The following CACNA1H variants were observed in gnomAD, a reference collection of about 807,000 sequenced individuals.
CACNA1H encodes the protein voltage-dependent T-type calcium channel subunit alpha-1H.
A neutral mutation model predicts 192.5 loss-of-function variants in CACNA1H; 149 were observed. The ratio of observed to expected loss-of-function variants is 0.77; its 90% CI spans 0.68 to 0.89. The LOEUF is 0.89. CACNA1H is among the 40% of genes least tolerant of loss of function. CACNA1H has a pLI of 0.00. For missense variants in CACNA1H, 4,257 were observed against 3,423.5 expected (o/e 1.24, Z -6.08); for synonymous variants, 2,202 against 1,475.2 (o/e 1.49, Z -11.29).
chr16:1,193,088 C>T (rs1966759357), intron 2 of CACNA1H, among the ~76,000 whole-genome samples: 1 of 152,152 alleles, frequency 6.6e-6, no homozygotes, highest in South Asian at 2.1e-4. Context: ...GGGCTCAGGT[C>T]AGGGAGCACC....
At chr16:1,164,680 G>A (rs968537281) in intron 2 of CACNA1H, among the ~76,000 whole-genome samples, 5 of 152,216 alleles carry the variant, frequency 3.3e-5, no homozygotes, top group Admixed American at 2.6e-4. Context: ...CCTTTCCGTC[G>A]GAGACCCTTC....
intron 2 of CACNA1H, among the ~76,000 whole-genome samples, chr16:1,189,957 A>G (rs574381280): frequency 2.9e-4 from 44 of 152,354 alleles, no homozygotes; most frequent in African/African-American, 7.7e-4. Flanking sequence ...GAGAAGGACA[A>G]TGTGGTCCCC....
At chr16:1,156,403 A>T (rs1459835026) in intron 2 of CACNA1H, among the ~76,000 whole-genome samples, 1 of 152,166 alleles carries the variant, frequency 6.6e-6, no homozygotes, top group Admixed American at 6.5e-5. Context: ...GTCAGAGAGA[A>T]CCTAAAATAA....
intron 2 of CACNA1H, among the ~76,000 whole-genome samples, chr16:1,173,582 A>G (rs1372990708): frequency 2.0e-5 from 3 of 152,270 alleles, no homozygotes; most frequent in African/African-American, 7.2e-5. Context: ...AAAAGGTTAT[A>G]TTTCTCAAAA....
At chr16:1,164,086 T>G (rs562957026) in intron 2 of CACNA1H, among the ~76,000 whole-genome samples, 2 of 152,182 alleles carry the variant, frequency 1.3e-5, no homozygotes, top group African/African-American at 4.8e-5. Flanking sequence ...CCGGCACAGG[T>G]GTGGGGGCAC....
rs548217620 is a variant in CACNA1H at position 1,210,289 on chromosome 16, G to T, written c.3846-81G>T. On this transcript the variant is annotated intron_variant, in intron 18 of 34. Coordinates refer to ENST00000348261, the MANE Select transcript of CACNA1H (RefSeq NM_021098.3). ...GGACCGGGGCTGAAGTGGAGGCGTG[G>T]CCAGGGCTGTCCTGCAACCCCCATC... is the stretch of plus-strand genomic sequence containing the variant. The T allele has an allele frequency of 2.6e-4, 341 of 1,335,426 alleles. No homozygotes were observed. In the African/African-American group the frequency reaches 4.4e-3, roughly 17 times the overall value. 82.7% of individuals were successfully genotyped at this position (1,335,426 alleles called of 1,614,324 possible).
intron 2 of CACNA1H, among the ~76,000 whole-genome samples, chr16:1,179,213 C>T (rs978466488): frequency 2.0e-5 from 3 of 152,190 alleles, no homozygotes; most frequent in African/African-American, 4.8e-5. Context: ...ACGCGCCTCC[C>T]GGGACTGGTG....
chr16:1,167,345 G>A lies in CACNA1H; in HGVS notation c.299+13309G>A, dbSNP rs546432211. 1.6e-4 allele frequency among the ~76,000 whole-genome samples: 25 copies of A among 152,172 alleles called. No homozygotes were observed. Among genetic ancestry groups the A allele is most frequent in the African/African-American group, 4.8e-4 (20 of 41,438 alleles). On this transcript the variant is annotated intron_variant, in intron 2 of 34. Coordinates refer to ENST00000348261, the MANE Select transcript of CACNA1H (RefSeq NM_021098.3). The surrounding 1 kb of genome is among the most constrained non-coding windows in gnomAD (Gnocchi z 4.2). ...ACACGGGTGCGGGGGCGATATCGGC[G>A]CGGAGCGGGCGGGGTGGCGCCCGGG...
At chr16:1,193,652 G>A (rs779049639) in intron 2 of CACNA1H, among the ~76,000 whole-genome samples, 3 of 152,238 alleles carry the variant, frequency 2.0e-5, no homozygotes, top group Non-Finnish European at 2.9e-5. Flanking sequence ...TACAGCAGAG[G>A]CGCCTGTTAC....
chr16:1,203,031 C>G (rs766197319), intron 9 of CACNA1H, among the ~76,000 whole-genome samples: 2 of 151,510 alleles, frequency 1.3e-5, no homozygotes, highest in Non-Finnish European at 2.9e-5. Flanking sequence ...CCTGGGGGCC[C>G]TTCCTGGTTC....
chr16:1,165,875 G>T (rs1963713877), intron 2 of CACNA1H, among the ~76,000 whole-genome samples: 1 of 152,222 alleles, frequency 6.6e-6, no homozygotes, highest in Non-Finnish European at 1.5e-5. Context: ...TTGGGAGAGG[G>T]GTGGGTCCTC....
chr16:1,193,099 G>A (rs12447022), intron 2 of CACNA1H, among the ~76,000 whole-genome samples: 3,050 of 152,226 alleles, frequency 0.02, 99 homozygotes, highest in African/African-American at 0.058. Flanking sequence ...AGGGAGCACC[G>A]TTCCCCACAC....
chr16:1,200,007 G>A lies in CACNA1H; in HGVS notation c.804-249G>A, dbSNP rs182282837. Among the ~76,000 whole-genome samples the A allele has an allele frequency of 1.6e-3, 247 of 152,248 alleles. 1 individual carries two copies. Among genetic ancestry groups the A allele is most frequent in the Non-Finnish European group, 9.9e-4 (67 of 68,010 alleles). On this transcript the variant is annotated intron_variant, in intron 6 of 34. Coordinates refer to ENST00000348261, the MANE Select transcript of CACNA1H (RefSeq NM_021098.3). ...TCTCTGTGGACTTGGGCTGAGGAGA[G>A]TGTGGTTTCTGCAGCACCACTGTGT...
At chr16:1,193,096 A>ACCGTTCC (rs1418112330) in intron 2 of CACNA1H, among the ~76,000 whole-genome samples, 4 of 151,942 alleles carry the variant, frequency 2.6e-5, no homozygotes, top group African/African-American at 9.7e-5. Context: ...GTCAGGGAGC[A>ACCGTTCC]CCGTTCCCCA....
At chr16:1,196,291 C>T (rs1440381151) in intron 5 of CACNA1H, among the ~76,000 whole-genome samples, 2 of 152,376 alleles carry the variant, frequency 1.3e-5, no homozygotes, top group African/African-American at 4.8e-5. Flanking sequence ...AGGGGCCACT[C>T]CGAACCTCCG....
chr16:1,193,730 G>C (rs1221042483), intron 2 of CACNA1H, among the ~76,000 whole-genome samples: 1 of 152,240 alleles, frequency 6.6e-6, no homozygotes, highest in Non-Finnish European at 1.5e-5. Flanking sequence ...GTGGCCTGGA[G>C]CCGTGGCACT....
chr16:1,154,075 C>CGGGGGGGGG, intron 2 of CACNA1H, 39 bp downstream of exon 2: 1 of 57,258 alleles, frequency 1.7e-5, no homozygotes, highest in Non-Finnish European at 2.7e-5. Flanking sequence ...GGGCGGGGGG[C>CGGGGGGGGG]GTGGGGAGGG....
At chr16:1,155,715 T>C (rs947370677) in intron 2 of CACNA1H, among the ~76,000 whole-genome samples, 3 of 152,140 alleles carry the variant, frequency 2.0e-5, no homozygotes, top group African/African-American at 7.2e-5. Flanking sequence ...TGAGAGAGTT[T>C]TGGAGCCTGG....
chr16:1,207,771 G>A lies in CACNA1H; in HGVS notation c.3065G>A (p.Gly1022Asp). 6.3e-7 allele frequency: 1 copy of A among 1,594,238 alleles called. No individual in the cohort carries two copies. The highest frequency in any genetic ancestry group is 8.5e-7 in the Non-Finnish European group (1 of 1,170,996). ...AILVEGFQAE[G>D]DANRSDTDED... ...TGCCTTGTGCTTTGTTGGGTTTAGG[G>A]CGATGCCAACAGATCCGACACGGAC... is the stretch of plus-strand genomic sequence containing the variant. Residue 1022 changes from glycine to aspartate, a missense_variant and splice_region_variant, in exon 15 of 35, where the codon GGC becomes GAC. Physicochemically the swap from Gly to Asp is moderately conservative, Grantham distance 94. Coordinates refer to ENST00000348261, the MANE Select transcript of CACNA1H (RefSeq NM_021098.3).
Sources: gnomAD v4.1 joint callset for allele counts (sites outside exome capture counted in the v4.1 genomes callset) on GRCh38, gnomAD v4.1.1 for gene constraint, Gnocchi (gnomAD v3.1) non-coding constraint, MANE v1.5 for transcripts, NCBI Gene and HGNC (gene_info 2026-07-23, HGNC 2026-07-21) for gene names.